The following MARCHF11 variants were observed in gnomAD, a reference collection of about 807,000 sequenced individuals.
MARCHF11 encodes the protein membrane associated ring-CH-type finger 11.
MARCHF11 carries 29 observed loss-of-function variants against 37.3 expected under a neutral mutation model. The ratio of observed to expected loss-of-function variants is 0.78; its 90% CI spans 0.58 to 1.06. The LOEUF (loss-of-function observed/expected upper bound fraction) is 1.06. Among genes scored for constraint, MARCHF11 ranks in the 50% least tolerant of loss-of-function variants. The pLI is 0.00. For missense variants in MARCHF11, 482 were observed against 533.4 expected, an observed-to-expected ratio of 0.90 and a Z score of 0.95; for synonymous variants, 233 against 228.0, an observed-to-expected ratio of 1.02 and a Z score of -0.20.
intron 3 of MARCHF11, among the ~76,000 whole-genome samples, chr5:16,081,772 C>T (rs1034762904): frequency 7.2e-5 from 11 of 152,114 alleles, no homozygotes; most frequent in African/African-American, 2.7e-4. Flanking sequence ...TAATGTTTAT[C>T]CATAAGAACT....
At chr5:16,144,890 T>C (rs1280069435) in intron 2 of MARCHF11, among the ~76,000 whole-genome samples, 1 of 152,164 alleles carries the variant, frequency 6.6e-6, no homozygotes, top group African/African-American at 2.4e-5. Flanking sequence ...GCCATGTGCA[T>C]GCCACAGAAC....
chr5:16,132,832 T>C (rs143436230), intron 2 of MARCHF11, among the ~76,000 whole-genome samples: 350 of 152,094 alleles, frequency 2.3e-3, no homozygotes, highest in Non-Finnish European at 3.8e-3. Flanking sequence ...GAAAACACAA[T>C]TGGCTGCAAT....
intron 2 of MARCHF11, among the ~76,000 whole-genome samples, chr5:16,166,203 A>G (rs961685528): frequency 3.9e-5 from 6 of 151,936 alleles, no homozygotes; most frequent in Non-Finnish European, 7.4e-5. Flanking sequence ...GCACTTCTTT[A>G]CAATCTGGCA....
At chr5:16,153,239 T>C (rs757183695) in intron 2 of MARCHF11, among the ~76,000 whole-genome samples, 3 of 151,978 alleles carry the variant, frequency 2.0e-5, no homozygotes, top group African/African-American at 7.2e-5. Flanking sequence ...TTTATCCATG[T>C]AGAAAATAGA....
chr5:16,079,116 G>C (rs1736565909), intron 3 of MARCHF11, among the ~76,000 whole-genome samples: 1 of 152,112 alleles, frequency 6.6e-6, no homozygotes, highest in East Asian at 1.9e-4. Context: ...ATGTGATTCA[G>C]GGTCCATGTG....
intron 2 of MARCHF11, among the ~76,000 whole-genome samples, chr5:16,106,208 G>A (rs1737036539): frequency 6.6e-6 from 1 of 152,096 alleles, no homozygotes; most frequent in Non-Finnish European, 1.5e-5. Context: ...CCTGAATGAG[G>A]CTCCAAGAAG....
chr5:16,075,136 A>T (rs914119864), intron 3 of MARCHF11, among the ~76,000 whole-genome samples: 4 of 152,174 alleles, frequency 2.6e-5, no homozygotes, highest in African/African-American at 9.7e-5. Context: ...TTATCTTGCC[A>T]TCCCTGTTTT....
At chr5:16,169,259 C>T (rs185015843) in intron 2 of MARCHF11, among the ~76,000 whole-genome samples, 6 of 151,966 alleles carry the variant, frequency 3.9e-5, no homozygotes, top group South Asian at 4.2e-4. Context: ...TACTTATGGG[C>T]GACATCCTCC....
At chr5:16,139,134 TC>T (rs1737660608) in intron 2 of MARCHF11, among the ~76,000 whole-genome samples, 1 of 152,146 alleles carries the variant, frequency 6.6e-6, no homozygotes, top group African/African-American at 2.4e-5. Context: ...CTTGGCTATG[TC>T]CCCACCCAAA....
intron 2 of MARCHF11, among the ~76,000 whole-genome samples, chr5:16,159,987 C>T (rs973118363): frequency 6.6e-6 from 1 of 151,718 alleles, no homozygotes; most frequent in Non-Finnish European, 1.5e-5. Context: ...AAAATGTTGC[C>T]CTAAGCAAAA....
intron 2 of MARCHF11, among the ~76,000 whole-genome samples, chr5:16,163,704 T>C (rs901806049): frequency 6.6e-6 from 1 of 152,086 alleles, no homozygotes; most frequent in African/African-American, 2.4e-5. Context: ...ACAAAGCTTG[T>C]TATTAGAGTG....
intron 2 of MARCHF11, among the ~76,000 whole-genome samples, chr5:16,170,710 G>T (rs1738249112): frequency 6.6e-6 from 1 of 152,112 alleles, no homozygotes; most frequent in African/African-American, 2.4e-5. Context: ...ATGAATGTCA[G>T]CAATATTGAG....
chr5:16,169,330 C>T (rs1157335406), intron 2 of MARCHF11, among the ~76,000 whole-genome samples: 1 of 110,278 alleles, frequency 9.1e-6, no homozygotes, highest in African/African-American at 2.7e-5. Flanking sequence ...ATCAGTATAC[C>T]GAAAAGAGAA....
chr5:16,113,088 C>T (rs561745065), intron 2 of MARCHF11, among the ~76,000 whole-genome samples: 2 of 152,212 alleles, frequency 1.3e-5, no homozygotes, highest in Admixed American at 6.5e-5. Context: ...TAGGAAATTG[C>T]TAATACATTG....
chr5:16,096,134 T>A (rs1361859163), intron 2 of MARCHF11, among the ~76,000 whole-genome samples: 1 of 152,168 alleles, frequency 6.6e-6, no homozygotes, highest in Non-Finnish European at 1.5e-5. Flanking sequence ...CTACTTAAAC[T>A]GACACATCCT....
At chr5:16,106,316 G>A (rs1476506767) in intron 2 of MARCHF11, among the ~76,000 whole-genome samples, 3 of 152,144 alleles carry the variant, frequency 2.0e-5, no homozygotes, top group Non-Finnish European at 2.9e-5. Flanking sequence ...AAGTGTGTTC[G>A]GCAATCTGAT....
intron 3 of MARCHF11, among the ~76,000 whole-genome samples, chr5:16,078,973 A>G (rs1340190346): frequency 6.6e-6 from 1 of 152,118 alleles, no homozygotes; most frequent in Non-Finnish European, 1.5e-5. Flanking sequence ...AAGCCACACA[A>G]AACACACACA....
chr5:16,169,505 G>C (rs1215403704), intron 2 of MARCHF11, among the ~76,000 whole-genome samples: 1 of 152,078 alleles, frequency 6.6e-6, no homozygotes, highest in South Asian at 2.1e-4. Flanking sequence ...CCACTCCTAA[G>C]GGAAGGATGG....
At chr5:16,160,065 C>T (rs1179698913) in intron 2 of MARCHF11, among the ~76,000 whole-genome samples, 1 of 151,578 alleles carries the variant, frequency 6.6e-6, no homozygotes, top group Non-Finnish European at 1.5e-5. Context: ...GTTTCTTTTA[C>T]AAATAACAAA....
Sources: allele counts gnomAD v4.1 joint callset (sites outside exome capture counted in the v4.1 genomes callset), GRCh38; gene constraint gnomAD v4.1.1; transcripts MANE v1.5; gene names NCBI Gene and HGNC (gene_info 2026-07-23, HGNC 2026-07-21).